Variants in SCARA3 observed in about 807,000 individuals in gnomAD.
SCARA3 encodes scavenger receptor class A member 3, also known as cellular stress response gene protein.
SCARA3 carries 39 observed loss-of-function variants against 47.0 expected under a neutral mutation model. That is an observed-to-expected ratio of 0.83 (90% CI 0.64 to 1.08). SCARA3 has a LOEUF of 1.08. Among genes scored for constraint, SCARA3 ranks in the 50% least tolerant of loss-of-function variants. SCARA3 has a pLI of 0.00. For missense variants in SCARA3, 724 were observed against 792.3 expected (o/e 0.91, Z 1.04); for synonymous variants, 356 against 334.1 (o/e 1.07, Z -0.71).
intron 3 of SCARA3, among the ~76,000 whole-genome samples, chr8:27,652,061 A>G (rs1801645017): frequency 6.6e-6 from 1 of 152,130 alleles, no homozygotes; most frequent in African/African-American, 2.4e-5. Flanking sequence ...GCCCCCTTTT[A>G]TGGTCTGTGT....
the SCARA3 span, among the ~76,000 whole-genome samples, chr8:27,712,742 T>G: frequency 6.6e-6 from 1 of 152,212 alleles, no homozygotes. Flanking sequence ...GCTATAAACA[T>G]CCATGTGCAG....
chr8:27,722,341 A>T, the SCARA3 span, among the ~76,000 whole-genome samples: 1 of 152,092 alleles, frequency 6.6e-6, no homozygotes, highest in Non-Finnish European at 1.5e-5. Flanking sequence ...AGATGTGAAG[A>T]TGCATGAAGA....
chr8:27,726,892 TCTC>T, the SCARA3 span, among the ~76,000 whole-genome samples: 1 of 151,840 alleles, frequency 6.6e-6, no homozygotes, highest in Non-Finnish European at 1.5e-5. Context: ...TTCAAGCAAT[TCTC>T]CTGCCTCAGC....
the SCARA3 span, among the ~76,000 whole-genome samples, chr8:27,732,431 C>T: frequency 6.6e-6 from 1 of 152,098 alleles, no homozygotes; most frequent in Non-Finnish European, 1.5e-5. Context: ...AGTCATACCG[C>T]TAAGGTAGAA....
the SCARA3 span, among the ~76,000 whole-genome samples, chr8:27,718,396 A>T: frequency 6.6e-6 from 1 of 152,252 alleles, no homozygotes; most frequent in African/African-American, 2.4e-5. Context: ...TGAAAAAAAC[A>T]GTCCCCAAAA....
At chr8:27,700,346 A>T in the SCARA3 span, among the ~76,000 whole-genome samples, 1 of 152,074 alleles carries the variant, frequency 6.6e-6, no homozygotes, top group Non-Finnish European at 1.5e-5. Context: ...TTAAAAATGG[A>T]TGAAAGTCCC....
intron 1 of SCARA3, among the ~76,000 whole-genome samples, chr8:27,638,665 C>T (rs781333160): frequency 1.6e-4 from 24 of 152,088 alleles, no homozygotes; most frequent in African/African-American, 5.8e-4. Context: ...GCCAGGTGCC[C>T]GGCTCTGTAT....
the SCARA3 span, among the ~76,000 whole-genome samples, chr8:27,726,781 A>G: frequency 6.6e-6 from 1 of 151,904 alleles, no homozygotes; most frequent in Admixed American, 6.6e-5. Flanking sequence ...CTTTGACAGT[A>G]TTTATTTATT....
chr8:27,675,734 G>A (rs1342490953), downstream of SCARA3, among the ~76,000 whole-genome samples: 4 of 152,176 alleles, frequency 2.6e-5, no homozygotes, highest in Non-Finnish European at 5.9e-5. Context: ...AGGTTGCAGT[G>A]AGCTGAGATT....
chr8:27,677,169 T>A (rs983386392), downstream of SCARA3, among the ~76,000 whole-genome samples: 1 of 152,220 alleles, frequency 6.6e-6, no homozygotes, highest in African/African-American at 2.4e-5. Context: ...TTCCCCATAC[T>A]GCACTACCTA....
At chr8:27,648,717 G>A (rs1462327095) in intron 1 of SCARA3, among the ~76,000 whole-genome samples, 2 of 151,996 alleles carry the variant, frequency 1.3e-5, no homozygotes, top group Non-Finnish European at 2.9e-5. Context: ...CAGACATACT[G>A]CTAAGTGCAT....
chr8:27,730,739 C>T, the SCARA3 span, among the ~76,000 whole-genome samples: 3 of 152,086 alleles, frequency 2.0e-5, no homozygotes, highest in South Asian at 6.2e-4. Flanking sequence ...ATCTGTCCCT[C>T]TTGGCCTCCC....
the SCARA3 span, among the ~76,000 whole-genome samples, chr8:27,711,813 T>C: frequency 6.6e-6 from 1 of 152,274 alleles, no homozygotes; most frequent in South Asian, 2.1e-4. Flanking sequence ...AGAGTTCCCA[T>C]ATACTCCCTG....
chr8:27,641,310 G>A (rs962050120), intron 1 of SCARA3, among the ~76,000 whole-genome samples: 3 of 152,246 alleles, frequency 2.0e-5, no homozygotes, highest in Non-Finnish European at 4.4e-5. Flanking sequence ...GGTTTGAAGT[G>A]TAGGCATCTG....
At chr8:27,673,387 G>A (rs1331817619), downstream of SCARA3, among the ~76,000 whole-genome samples, 1 of 152,280 alleles carries the variant, frequency 6.6e-6, no homozygotes, top group African/African-American at 2.4e-5. Flanking sequence ...AGGAGGCAGA[G>A]ACCAGGCCAG....
At chr8:27,667,243 G>A (rs375102055) in intron 5 of SCARA3, among the ~76,000 whole-genome samples, 21 of 152,296 alleles carry the variant, frequency 1.4e-4, no homozygotes, top group African/African-American at 4.3e-4. Flanking sequence ...ACCAGGTCAC[G>A]CCTGCTGTCA....
the SCARA3 span, among the ~76,000 whole-genome samples, chr8:27,693,840 G>A: frequency 1.3e-5 from 2 of 152,112 alleles, no homozygotes; most frequent in Admixed American, 6.5e-5. Context: ...TCAACCAATT[G>A]CCAATCAGAA....
chr8:27,717,432 C>A, the SCARA3 span, among the ~76,000 whole-genome samples: 1 of 152,200 alleles, frequency 6.6e-6, no homozygotes, highest in Admixed American at 6.5e-5. Context: ...GGGGCCCAGA[C>A]TTCTCAATGT....
the SCARA3 span, among the ~76,000 whole-genome samples, chr8:27,682,975 A>C: frequency 6.6e-6 from 1 of 152,152 alleles, no homozygotes; most frequent in Non-Finnish European, 1.5e-5. Flanking sequence ...TTATTGTACA[A>C]GAATATTCAT....
Sources: allele counts gnomAD v4.1 joint callset (sites outside exome capture counted in the v4.1 genomes callset), GRCh38; gene constraint gnomAD v4.1.1; transcripts MANE v1.5; gene names NCBI Gene and HGNC (gene_info 2026-07-23, HGNC 2026-07-21).